LGR6: variants seen among roughly 807,000 people sequenced by gnomAD.
The protein encoded by LGR6 is leucine-rich repeat-containing G protein-coupled receptor 6.
LGR6 carries 45 observed loss-of-function variants against 69.4 expected under a neutral mutation model. That is an observed-to-expected ratio of 0.65 (90% CI 0.51 to 0.83). The LOEUF (loss-of-function observed/expected upper bound fraction) is 0.83. Among genes scored for constraint, LGR6 ranks in the 40% least tolerant of loss-of-function variants. The pLI is 0.00. For missense variants in LGR6, 1,108 were observed against 1,246.7 expected (o/e 0.89, Z 1.68); for synonymous variants, 538 against 555.0 (o/e 0.97, Z 0.43).
Position 202,309,080 on chromosome 1 carries a change from T to C in LGR6, c.1310T>C (p.Leu437Pro). 6.2e-7 allele frequency: 1 copy of C among 1,614,128 alleles called. No homozygotes were observed. The highest frequency in any genetic ancestry group is 8.5e-7 in the Non-Finnish European group (1 of 1,179,994). Residue 437 changes from leucine (L) to proline (P), a missense_variant, in exon 15 of 18, where the codon CTG becomes CCG. Transcript: ENST00000367278. The stretch of plus-strand genomic sequence containing the variant: ...CTGACAGACAACCAGCTGACCACAC[T>C]GCCCCTGGCTGGACTTGGGGGCTTG... The part of the protein sequence containing the change: ...LDLTDNQLTT[L>P]PLAGLGGLMH...
rs1348938785 is a variant in LGR6, at chr1:202,297,520, T to C, written c.729T>C (p.Tyr243=). ...CTTTCTGTTCCAGAGACCTGAATTA[T>C]AACAAGCTGCAGGAGTTCCCTGTGG... The part of the protein sequence containing the change: ...LHNLETLDLN[Y]NKLQEFPVAI... The change falls in exon 7 of 18, where the codon TAT becomes TAC. Residue 243 remains tyrosine, a synonymous_variant. Transcript: ENST00000367278. 13 of 1,613,760 alleles carry C rather than the reference T, an allele frequency of 8.1e-6. No homozygotes were observed. The highest frequency in any genetic ancestry group is 1.7e-5 in the Admixed American group (1 of 59,962).
rs1343244770 is a variant in LGR6, at chr1:202,317,995, C to T, written c.1692C>T (p.Ile564=). The change falls in exon 18 of 18, where the codon ATC becomes ATT. Residue 564 remains isoleucine (I), a synonymous_variant. Transcript: ENST00000367278. ...AGTACCTCTTTGAAAGCTGGGGCATCCGCCTGGCCGTGTGGGCCATCGTGT... is the reference window on the plus strand; with the variant it reads ...AGTACCTCTTTGAAAGCTGGGGCATTCGCCTGGCCGTGTGGGCCATCGTGT... ...PCEYLFESWG[I]RLAVWAIVLL... 1 of 1,613,754 alleles carries T rather than the reference C, an allele frequency of 6.2e-7. No homozygotes were observed. Among genetic ancestry groups the T allele is most frequent in the Non-Finnish European group, 8.5e-7 (1 of 1,179,868 alleles).
intron 6 of LGR6, among the ~76,000 whole-genome samples, chr1:202,289,992 G>C (rs1398340808): frequency 6.6e-6 from 1 of 152,206 alleles, no homozygotes; most frequent in Non-Finnish European, 1.5e-5. Context: ...CCCAATTAAT[G>C]ATATTCATCT....
At chr1:202,240,238 G>A (rs1662065623) in intron 4 of LGR6, among the ~76,000 whole-genome samples, 1 of 152,134 alleles carries the variant, frequency 6.6e-6, no homozygotes, top group Admixed American at 6.5e-5. Context: ...GCCAGGTGTG[G>A]TGGTGGGTGC....
intron 1 of LGR6, among the ~76,000 whole-genome samples, chr1:202,196,190 G>A (rs993318086): frequency 1.3e-5 from 2 of 152,150 alleles, no homozygotes; most frequent in African/African-American, 4.8e-5. Flanking sequence ...GAAGGAGGTG[G>A]CAGAGGACCG....
chr1:202,214,043 C>A, intron 1 of LGR6: 1 of 1,347,890 alleles, frequency 7.4e-7, no homozygotes, highest in Non-Finnish European at 9.5e-7. Flanking sequence ...ATGGGTGGGG[C>A]GCTATCCAGA....
At chr1:202,308,710 C>G (rs137930895) in intron 14 of LGR6, among the ~76,000 whole-genome samples, 1 of 152,316 alleles carries the variant, frequency 6.6e-6, no homozygotes, top group Non-Finnish European at 1.5e-5. Context: ...TCCTGGATGG[C>G]ACTTAGAACT....
chr1:202,285,605 C>T (rs1666334770), intron 6 of LGR6, among the ~76,000 whole-genome samples: 1 of 152,222 alleles, frequency 6.6e-6, no homozygotes. Flanking sequence ...TTTATGTCGG[C>T]TTCCTTTCCT....
intron 1 of LGR6, among the ~76,000 whole-genome samples, chr1:202,221,203 C>A (rs1242716915): frequency 6.6e-6 from 1 of 152,110 alleles, no homozygotes; most frequent in East Asian, 1.9e-4. Flanking sequence ...CAAACAGACC[C>A]AATCCCCTCG....
intron 4 of LGR6, among the ~76,000 whole-genome samples, chr1:202,240,695 G>A (rs76287549): frequency 0.046 from 6,976 of 152,224 alleles, 212 homozygotes; most frequent in Middle Eastern, 0.095. Flanking sequence ...ACAGCAAGGT[G>A]CTACTCTATC....
At chr1:202,238,057 C>A (rs1301213613) in intron 4 of LGR6, among the ~76,000 whole-genome samples, 1 of 150,220 alleles carries the variant, frequency 6.7e-6, no homozygotes, top group Admixed American at 6.6e-5. Context: ...TCTAACCAGT[C>A]ATTGATCCTC....
In LGR6 at chr1:202,301,236, G is replaced by A; in HGVS notation, c.929+1G>A. 1 of 1,613,844 alleles carries A rather than the reference G, an allele frequency of 6.2e-7. No individual in the cohort carries two copies. The highest frequency in any genetic ancestry group is 8.5e-7 in the Non-Finnish European group (1 of 1,179,714). ...AGTACCTGCCTAAACTCCACACACT[G>A]TAAGTTGGCTCCTGAAGGCTGCTGC... is the stretch of plus-strand genomic sequence containing the variant. On this transcript the variant is annotated splice_donor_variant, in intron 9 of 17. Coordinates refer to ENST00000367278, the MANE Select transcript of LGR6 (RefSeq NM_001017403.2). LOFTEE classifies it high-confidence loss of function.
chr1:202,309,199 C>T, intron 15 of LGR6, 23 bp downstream of exon 15: 1 of 1,613,022 alleles, frequency 6.2e-7, no homozygotes, highest in Middle Eastern at 1.7e-4. Flanking sequence ...CTTTCCCCAA[C>T]ACCTGGGTAG....
chr1:202,249,662 T>C (rs1663063784), intron 4 of LGR6, among the ~76,000 whole-genome samples: 1 of 152,210 alleles, frequency 6.6e-6, no homozygotes, highest in Non-Finnish European at 1.5e-5. Context: ...AGTTCCCTAA[T>C]TCGGAGACTT....
intron 1 of LGR6, among the ~76,000 whole-genome samples, chr1:202,217,676 C>T (rs956449184): frequency 3.3e-5 from 5 of 152,058 alleles, no homozygotes; most frequent in East Asian, 1.9e-4. Context: ...TAACCCCCCA[C>T]TCCAGGCACC....
chr1:202,205,436 C>G (rs377706090), intron 1 of LGR6, among the ~76,000 whole-genome samples: 10 of 47,520 alleles, frequency 2.1e-4, no homozygotes, highest in Non-Finnish European at 3.1e-4. Context: ...CTAACACACA[C>G]CTCCTTCAAA....
intron 1 of LGR6, among the ~76,000 whole-genome samples, chr1:202,218,182 T>C (rs1571828225): frequency 1.3e-5 from 2 of 152,324 alleles, no homozygotes; most frequent in Admixed American, 1.3e-4. Context: ...CCATGTGTCC[T>C]TAGGTAACTT....
intron 1 of LGR6, among the ~76,000 whole-genome samples, chr1:202,215,675 C>T (rs1163819287): frequency 9.2e-5 from 14 of 152,188 alleles, no homozygotes; most frequent in Admixed American, 9.2e-4. Flanking sequence ...GTCTTCCGTC[C>T]CTCTTCAATC....
chr1:202,222,743 G>A (rs12032424), intron 1 of LGR6, among the ~76,000 whole-genome samples: 47,726 of 151,944 alleles, frequency 0.31, 8,458 homozygotes, highest in Non-Finnish European at 0.41. Context: ...CTGCACCTTC[G>A]CATTTCAGCC....
Sources: allele counts gnomAD v4.1 joint callset (sites outside exome capture counted in the v4.1 genomes callset), GRCh38; gene constraint gnomAD v4.1.1; transcripts MANE v1.5; gene names NCBI Gene and HGNC (gene_info 2026-07-23, HGNC 2026-07-21).